The following SEC24D variants were observed in gnomAD, a reference collection of about 807,000 sequenced individuals.
SEC24D encodes protein transport protein Sec24D.
Under a neutral mutation model 116.9 loss-of-function variants are expected in SEC24D, and 69 were observed. The ratio of observed to expected loss-of-function variants is 0.59; its 90% CI spans 0.49 to 0.72. The LOEUF is 0.72. SEC24D is among the 30% of genes least tolerant of loss of function. The pLI, the probability that SEC24D is intolerant of heterozygous loss-of-function variation, is 0.00. For missense variants in SEC24D, 1,131 were observed against 1,264.1 expected (o/e 0.89, Z 1.60); for synonymous variants, 405 against 442.8 (o/e 0.91, Z 1.07).
chr4:118,823,126 GT>G (rs1560759383), intron 3 of SEC24D, among the ~76,000 whole-genome samples: 3 of 152,110 alleles, frequency 2.0e-5, no homozygotes, highest in African/African-American at 7.2e-5. Context: ...TTGGTTCTCC[GT>G]CTTTTTGCTC....
chr4:118,736,722 A>T (rs1057480273), intron 19 of SEC24D, among the ~76,000 whole-genome samples: 11 of 152,194 alleles, frequency 7.2e-5, no homozygotes, highest in Non-Finnish European at 1.5e-4. Context: ...ATTATTTTTT[A>T]AAAACATATC....
At chr4:118,727,978 T>A (rs1725494202) in intron 22 of SEC24D, among the ~76,000 whole-genome samples, 1 of 152,070 alleles carries the variant, frequency 6.6e-6, no homozygotes, top group Non-Finnish European at 1.5e-5. Flanking sequence ...GTAAGCAGTG[T>A]TACACAGCAC....
At chr4:118,828,929 A>G (rs976075119) in intron 2 of SEC24D, among the ~76,000 whole-genome samples, 3 of 152,182 alleles carry the variant, frequency 2.0e-5, no homozygotes, top group African/African-American at 4.8e-5. Flanking sequence ...CCTGAAAAGT[A>G]CCGCCTTCCA....
Position 118,797,749 on chromosome 4 carries a change from C to T in SEC24D, c.975G>A (p.Met325Ile). Residue 325 changes from methionine to isoleucine, a missense_variant, in exon 8 of 23, where the codon ATG becomes ATA. Physicochemically the swap from Met to Ile is conservative, Grantham distance 10. Coordinates refer to ENST00000280551, the MANE Select transcript of SEC24D (RefSeq NM_014822.4). ...CTAATGGAATCTGAGCTTGCTTAGC[C>T]ATATCTGACGTGCATGGAAAACAGT... ...TTYCFPCTSD[M>I]AKQAQIPLAA... 1 of 1,611,472 alleles carries T rather than the reference C, an allele frequency of 6.2e-7. No individual in the cohort carries two copies. Among genetic ancestry groups the T allele is most frequent in the Non-Finnish European group, 8.5e-7 (1 of 1,178,148 alleles).
At chr4:118,739,012 C>T in intron 18 of SEC24D, 137 bp downstream of exon 18, 1 of 768,928 alleles carries the variant, frequency 1.3e-6, no homozygotes, top group African/African-American at 1.8e-5. Context: ...TGACTATTCT[C>T]TCTCAGCCTT....
chr4:118,732,653 C>G, intron 20 of SEC24D, 80 bp downstream of exon 20: 2 of 1,309,422 alleles, frequency 1.5e-6, no homozygotes, highest in Non-Finnish European at 2.1e-6. Flanking sequence ...CAACATATTT[C>G]AGATATAACA....
intron 19 of SEC24D, among the ~76,000 whole-genome samples, chr4:118,733,682 TA>T (rs1441471052): frequency 1.3e-5 from 2 of 152,232 alleles, no homozygotes; most frequent in Non-Finnish European, 2.9e-5. Flanking sequence ...TTCATGCATT[TA>T]GATGTGTCAT....
intron 1 of SEC24D, among the ~76,000 whole-genome samples, chr4:118,834,989 A>G (rs1731029736): frequency 6.6e-6 from 1 of 152,214 alleles, no homozygotes; most frequent in South Asian, 2.1e-4. Context: ...AAATATTATG[A>G]GATCATTTCC....
chr4:118,752,918 G>A, intron 11 of SEC24D, 30 bp from the exon 12 acceptor site: 1 of 1,481,206 alleles, frequency 6.8e-7, no homozygotes, highest in East Asian at 2.4e-5. Context: ...TGTTTGAGAT[G>A]CTTTATAAAT....
chr4:118,732,980 G>C lies in SEC24D; in HGVS notation c.2497-68C>G, dbSNP rs570296227. On this transcript the variant is annotated intron_variant, in intron 19 of 22. Transcript: ENST00000280551. ...GAGAACAATTCCCTGAGCTTCATCT[G>C]TAAGACTGAAACATTATTTGCTTCT... The C allele has an allele frequency of 4.5e-5, 60 of 1,323,814 alleles. No individual in the cohort carries two copies. The South Asian group carries it at 7.5e-4, about 16-fold the overall frequency. The allele number at this position is 1,323,814 out of a possible 1,614,324, so 82.0% of individuals were successfully genotyped here. A position where few individuals can be genotyped will look rare whatever the true frequency, so the allele number is the denominator to read the frequency against.
chr4:118,741,649 C>G (rs1726226999), intron 15 of SEC24D, among the ~76,000 whole-genome samples: 1 of 152,196 alleles, frequency 6.6e-6, no homozygotes, highest in Admixed American at 6.5e-5. Context: ...CAGTGAAACT[C>G]TTTAGGAAAT....
intron 7 of SEC24D, among the ~76,000 whole-genome samples, chr4:118,803,980 T>C (rs1316898846): frequency 2.6e-5 from 4 of 152,216 alleles, no homozygotes; most frequent in East Asian, 1.9e-4. Flanking sequence ...TGGCACATAA[T>C]AGGTACTGAA....
In SEC24D at chr4:118,739,142, G is replaced by C. The variant is rs772937617; in HGVS notation, c.2377+7C>G. Reference sequence around the variant, plus strand: ...TTTACTGAACCTCAGGATTGGCAAAGTGTTACCTGACTTGGCAAAGAAGTT... The same window carrying C: ...TTTACTGAACCTCAGGATTGGCAAACTGTTACCTGACTTGGCAAAGAAGTT... On this transcript the variant is annotated splice_region_variant and intron_variant, in intron 18 of 22. Coordinates refer to ENST00000280551, the MANE Select transcript of SEC24D (RefSeq NM_014822.4). 9 of 1,613,160 alleles carry C rather than the reference G, an allele frequency of 5.6e-6. No homozygotes were observed. The highest frequency in any genetic ancestry group is 7.6e-6 in the Non-Finnish European group (9 of 1,179,420).
At chr4:118,756,179 A>T (rs1215325359) in intron 11 of SEC24D, among the ~76,000 whole-genome samples, 1 of 152,140 alleles carries the variant, frequency 6.6e-6, no homozygotes, top group Non-Finnish European at 1.5e-5. Context: ...ATCAAGTTCA[A>T]ATTCAGATTA....
At chr4:118,728,735 A>G (rs1376206472) in intron 21 of SEC24D, 85 bp from the exon 22 acceptor site, 5 of 824,380 alleles carry the variant, frequency 6.1e-6, no homozygotes, top group Non-Finnish European at 9.5e-6. Flanking sequence ...AATGTTAAAA[A>G]CATAAAACCA....
chr4:118,729,117 C>CT (rs375529439), intron 21 of SEC24D: 1,674 of 144,840 alleles, frequency 0.012, 78 homozygotes, highest in Admixed American at 0.082. Flanking sequence ...TATAAGTAAT[C>CT]TTTTTTTTTT....
intron 8 of SEC24D, among the ~76,000 whole-genome samples, chr4:118,782,097 A>G (rs1446147963): frequency 1.3e-5 from 2 of 152,176 alleles, no homozygotes; most frequent in Admixed American, 6.5e-5. Context: ...CAATTCGTCA[A>G]AGTCATTCTC....
chr4:118,777,760 T>A (rs1728208878), intron 8 of SEC24D, among the ~76,000 whole-genome samples: 1 of 152,208 alleles, frequency 6.6e-6, no homozygotes, highest in African/African-American at 2.4e-5. Context: ...CCCCACAACC[T>A]CTCCAGCATC....
chr4:118,778,014 T>C (rs1728228552), intron 8 of SEC24D, among the ~76,000 whole-genome samples: 2 of 152,238 alleles, frequency 1.3e-5, no homozygotes, highest in South Asian at 4.1e-4. Flanking sequence ...TAGCCCTTTG[T>C]CAGATGGGTA....
Sources: gnomAD v4.1 joint callset for allele counts (sites outside exome capture counted in the v4.1 genomes callset) on GRCh38, gnomAD v4.1.1 for gene constraint, MANE v1.5 for transcripts, NCBI Gene and HGNC (gene_info 2026-07-23, HGNC 2026-07-21) for gene names.